UBE3C: variants seen among roughly 807,000 people sequenced by gnomAD.
UBE3C encodes the protein ubiquitin-protein ligase E3C.
A neutral mutation model predicts 129.4 loss-of-function variants in UBE3C; 42 were observed. That is an observed-to-expected ratio of 0.32 (90% confidence interval 0.25 to 0.42). The LOEUF is 0.42. Among genes scored for constraint, UBE3C ranks in the 10% least tolerant of loss-of-function variants. UBE3C has a pLI of 1.00. For missense variants in UBE3C, 1,049 were observed against 1,319.1 expected, an observed-to-expected ratio of 0.80 and a Z score of 3.17; for synonymous variants, 510 against 492.4, an observed-to-expected ratio of 1.04 and a Z score of -0.47.
intron 22 of UBE3C, among the ~76,000 whole-genome samples, chr7:157,264,649 C>T (rs982071014): frequency 6.6e-6 from 1 of 152,186 alleles, no homozygotes; most frequent in Non-Finnish European, 1.5e-5. Context: ...TGCGTGATCT[C>T]GTCTCACTGC....
At chr7:157,245,004 A>ATAC (rs1328277685) in intron 18 of UBE3C, among the ~76,000 whole-genome samples, 2 of 152,244 alleles carry the variant, frequency 1.3e-5, no homozygotes, top group African/African-American at 2.4e-5. Flanking sequence ...ACCTGTGTTT[A>ATAC]GAAAATACCT....
At chr7:157,247,987 C>A (rs534593225) in intron 18 of UBE3C, among the ~76,000 whole-genome samples, 1 of 152,296 alleles carries the variant, frequency 6.6e-6, no homozygotes, top group African/African-American at 2.4e-5. Context: ...TTCAGTCTCG[C>A]AGTGTGTGAT....
At chr7:157,139,400 GGGACTCGGGGCT>G (rs71522068) in intron 1 of UBE3C, 62 bp downstream of exon 1, 33 of 1,186,822 alleles carry the variant, frequency 2.8e-5, no homozygotes, top group African/African-American at 8.0e-5. Flanking sequence ...GCTCGGGGCT[GGGACTCGGGGCT>G]GGACTCGGGG....
intron 18 of UBE3C, among the ~76,000 whole-genome samples, chr7:157,242,853 T>A (rs377188347): frequency 3.9e-5 from 6 of 152,126 alleles, no homozygotes; most frequent in East Asian, 3.9e-4. Context: ...TCAGGAGTTC[T>A]AGACCAGCCT....
chr7:157,226,624 A>G (rs1406280922), intron 17 of UBE3C, among the ~76,000 whole-genome samples: 1 of 152,226 alleles, frequency 6.6e-6, no homozygotes, highest in Non-Finnish European at 1.5e-5. Flanking sequence ...CTGATTTCTA[A>G]TAATTTTTAT....
At chr7:157,209,192 T>G (rs1809521300) in intron 13 of UBE3C, among the ~76,000 whole-genome samples, 2 of 152,206 alleles carry the variant, frequency 1.3e-5, no homozygotes, top group South Asian at 4.1e-4. Context: ...AAGGAATGCT[T>G]ATTCATCCTC....
chr7:157,196,758 C>T (rs1358401104), intron 10 of UBE3C, among the ~76,000 whole-genome samples: 6 of 149,068 alleles, frequency 4.0e-5, no homozygotes, highest in Admixed American at 3.4e-4. Flanking sequence ...CACCTGAGGT[C>T]GGGAGTTTGA....
intron 4 of UBE3C, among the ~76,000 whole-genome samples, 188 bp from the exon 5 acceptor site, chr7:157,174,731 A>G (rs1808469123): frequency 6.6e-6 from 1 of 152,188 alleles, no homozygotes; most frequent in Non-Finnish European, 1.5e-5. Context: ...GACGTGAACC[A>G]CTGTGCCTGG....
chr7:157,251,634 T>C (rs17837739), intron 19 of UBE3C, among the ~76,000 whole-genome samples: 36,972 of 152,070 alleles, frequency 0.24, 5,123 homozygotes, highest in African/African-American at 0.37. Context: ...GAAAATAGAC[T>C]TTCTGGAGGA....
intron 9 of UBE3C, 145 bp downstream of exon 9, chr7:157,184,174 C>T (rs936018754): frequency 1.1e-5 from 11 of 1,016,386 alleles, no homozygotes; most frequent in Non-Finnish European, 1.5e-5. Flanking sequence ...CCCACTACCA[C>T]AGTTTCTAGT....
intron 1 of UBE3C, among the ~76,000 whole-genome samples, chr7:157,141,942 G>C (rs1807465077): frequency 6.6e-6 from 1 of 152,176 alleles, no homozygotes; most frequent in Non-Finnish European, 1.5e-5. Context: ...TCTTGTGCTG[G>C]GTCCTAGATG....
chr7:157,164,804 AG>A (rs1275173464), intron 2 of UBE3C, among the ~76,000 whole-genome samples: 1 of 152,202 alleles, frequency 6.6e-6, no homozygotes, highest in Non-Finnish European at 1.5e-5. Context: ...GCCGTGAACC[AG>A]GATGCTGAGG....
intron 1 of UBE3C, chr7:157,140,107 G>T (rs1301867567): frequency 1.1e-6 from 1 of 900,900 alleles, no homozygotes; most frequent in Non-Finnish European, 1.3e-6. Context: ...ACGGGCATCA[G>T]TTGGTTCACT....
At chr7:157,179,194 C>A (rs1292635187) in intron 6 of UBE3C, among the ~76,000 whole-genome samples, 2 of 151,922 alleles carry the variant, frequency 1.3e-5, no homozygotes, top group African/African-American at 2.4e-5. Context: ...AGGGCTCTTA[C>A]CACCTCCTGG....
intron 14 of UBE3C, among the ~76,000 whole-genome samples, chr7:157,218,468 C>A (rs895451385): frequency 3.6e-4 from 54 of 151,942 alleles, no homozygotes; most frequent in African/African-American, 1.0e-3. Context: ...AAAAAAAAAA[C>A]CATGTCACAG....
chr7:157,169,033 C>G lies in UBE3C; in HGVS notation c.121-15C>G. The G allele has an allele frequency of 6.2e-7, 1 of 1,610,808 alleles. No individual in the cohort carries two copies. Among genetic ancestry groups the G allele is most frequent in the African/African-American group, 1.3e-5 (1 of 74,952 alleles). On this transcript the variant is annotated splice_polypyrimidine_tract_variant and intron_variant, in intron 2 of 22. Transcript: ENST00000348165. ...TCTGACCAATTGCTCCCTCACTCCTCCTTTTATTGTTTAGGAAGAAAGGCG... is the reference window on the plus strand; with the variant it reads ...TCTGACCAATTGCTCCCTCACTCCTGCTTTTATTGTTTAGGAAGAAAGGCG...
chr7:157,252,667 G>A lies in UBE3C; in HGVS notation c.2695-1287G>A, dbSNP rs567670949. On this transcript the variant is annotated intron_variant, in intron 19 of 22. Transcript: ENST00000348165. ...AGCACATTTGTGAAACAATCTTTCT[G>A]TAAATGGTAAGAGACTGGGACATCA... is the stretch of plus-strand genomic sequence containing the variant. Among the ~76,000 whole-genome samples the A allele has an allele frequency of 1.8e-4, 28 of 152,352 alleles. 1 individual carries two copies. The South Asian group carries it at 5.6e-3, about 30-fold the overall frequency.
Position 157,267,716 on chromosome 7 carries a change from C to G in UBE3C, c.3213C>G (p.Leu1071=). 6.2e-7 allele frequency: 1 copy of G among 1,612,692 alleles called. No homozygotes were observed. The change falls in exon 23 of 23, where the codon CTC becomes CTG. Residue 1071 remains leucine, a synonymous_variant. Transcript: ENST00000348165. ...AGACACTTTTGCGAAGTAAACTTCTCTATGCGATTGAATGTGCCGCTGGCT... is the reference window on the plus strand; with the variant it reads ...AGACACTTTTGCGAAGTAAACTTCTGTATGCGATTGAATGTGCCGCTGGCT... ...YDETLLRSKL[L]YAIECAAGFE...
chr7:157,199,229 A>C (rs1003005159), intron 10 of UBE3C, among the ~76,000 whole-genome samples: 2 of 152,212 alleles, frequency 1.3e-5, no homozygotes, highest in Non-Finnish European at 2.9e-5. Flanking sequence ...ATACCTTTTC[A>C]AATTATTTTG....
Sources: gnomAD v4.1 joint callset for allele counts (sites outside exome capture counted in the v4.1 genomes callset) on GRCh38, gnomAD v4.1.1 for gene constraint, MANE v1.5 for transcripts, NCBI Gene and HGNC (gene_info 2026-07-23, HGNC 2026-07-21) for gene names.